AGBL3: variants seen among roughly 807,000 people sequenced by gnomAD.
The protein encoded by AGBL3 is AGBL carboxypeptidase 3, also known as cytosolic carboxypeptidase 3.
A neutral mutation model predicts 94.5 loss-of-function variants in AGBL3; 68 were observed. The observed-to-expected ratio is 0.72, with a 90% CI of 0.59 to 0.88. AGBL3 has a LOEUF of 0.88. AGBL3 is among the 40% of genes least tolerant of loss of function. AGBL3 has a pLI of 0.00. For synonymous variants in AGBL3, 354 were observed against 370.7 expected (o/e 0.95, Z 0.52); for missense variants, 934 against 1,103.8 (o/e 0.85, Z 2.18).
At chr7:135,026,208 T>A (rs1394514794) in intron 5 of AGBL3, among the ~76,000 whole-genome samples, 3 of 128,824 alleles carry the variant, frequency 2.3e-5, no homozygotes, top group African/African-American at 8.6e-5. Context: ...AAGCACATTC[T>A]CACATCACAG....
chr7:135,009,433 T>G (rs973965585), intron 4 of AGBL3, among the ~76,000 whole-genome samples: 1 of 152,240 alleles, frequency 6.6e-6, no homozygotes, highest in Admixed American at 6.5e-5. Context: ...GGCAACTATA[T>G]AGACAAAATA....
chr7:135,115,421 T>A lies in AGBL3; in HGVS notation c.2152T>A (p.Ser718Thr). The change falls in exon 16 of 17, where the codon TCT becomes ACT. Residue 718 changes from serine to threonine, a missense_variant. Physicochemically the swap from Ser to Thr is moderately conservative, Grantham distance 58 (BLOSUM62 1). Transcript: ENST00000436302. ...NLKSKIKECI[S>T]FQSKKTGINW... Reference sequence around the variant, plus strand: ...AAAAAGCAAAATAAAAGAATGCATATCTTTCCAAAGCAAGAAGACTGGCAT... The same window carrying A: ...AAAAAGCAAAATAAAAGAATGCATAACTTTCCAAAGCAAGAAGACTGGCAT... 1 of 1,551,252 alleles carries A rather than the reference T, an allele frequency of 6.4e-7. No homozygotes were observed. Among genetic ancestry groups the A allele is most frequent in the Non-Finnish European group, 8.7e-7 (1 of 1,146,738 alleles).
chr7:135,045,639 G>C (rs1405111979), intron 10 of AGBL3, 65 bp downstream of exon 10: 1 of 1,428,862 alleles, frequency 7.0e-7, no homozygotes, highest in East Asian at 2.5e-5. Flanking sequence ...GCTGACTATG[G>C]GCCTATGCAG....
intron 15 of AGBL3, among the ~76,000 whole-genome samples, chr7:135,104,962 G>A (rs1019394942): frequency 2.0e-5 from 3 of 151,352 alleles, no homozygotes; most frequent in Non-Finnish European, 4.4e-5. Context: ...CTTTTGTTGT[G>A]ATTGCTTTTG....
In AGBL3 at chr7:135,063,234, TTC is replaced by T. The variant is rs1349733946; in HGVS notation, c.1908+4011_1908+4012del. ...CATCTTTTCTGACTTTATCTGAGTC[TTC>T]TCTCTCTCTCTTCTTAGTCTAGCTA... is the stretch of plus-strand genomic sequence containing the variant. On this transcript the variant is annotated intron_variant, in intron 12 of 16. Coordinates refer to ENST00000436302, the MANE Select transcript of AGBL3 (RefSeq NM_178563.4). 4.6e-5 allele frequency among the ~76,000 whole-genome samples: 7 copies of T among 152,074 alleles called. No individual in the cohort carries two copies. The South Asian group carries it at 1.2e-3, about 27-fold the overall frequency.
intron 15 of AGBL3, among the ~76,000 whole-genome samples, chr7:135,110,934 CA>C (rs1194790453): frequency 6.6e-6 from 1 of 152,198 alleles, no homozygotes; most frequent in African/African-American, 2.4e-5. Context: ...AGAAAAATTA[CA>C]TTACCAAATG....
intron 16 of AGBL3, among the ~76,000 whole-genome samples, chr7:135,117,503 T>C (rs1303332967): frequency 6.6e-6 from 1 of 152,246 alleles, no homozygotes; most frequent in African/African-American, 2.4e-5. Flanking sequence ...CAAAGTGTGA[T>C]CTTCTCATTC....
intron 4 of AGBL3, among the ~76,000 whole-genome samples, chr7:135,000,988 C>A (rs1811646897): frequency 6.6e-6 from 1 of 152,134 alleles, no homozygotes; most frequent in Non-Finnish European, 1.5e-5. Context: ...TCGGCTTGGA[C>A]AATTCTATAG....
chr7:135,101,411 T>C (rs1823811259), intron 15 of AGBL3: 1 of 343,362 alleles, frequency 2.9e-6, no homozygotes, highest in Non-Finnish European at 5.8e-6. Flanking sequence ...ATAGCTATTT[T>C]AGTCCTGTCT....
chr7:135,058,823 C>T (rs946342765), intron 11 of AGBL3, among the ~76,000 whole-genome samples: 1 of 152,184 alleles, frequency 6.6e-6, no homozygotes, highest in African/African-American at 2.4e-5. Context: ...ATGGCACGAT[C>T]TCAGCTCACT....
intron 4 of AGBL3, among the ~76,000 whole-genome samples, chr7:134,999,808 G>A (rs545640368): frequency 2.6e-5 from 4 of 152,340 alleles, no homozygotes; most frequent in African/African-American, 9.6e-5. Flanking sequence ...ACAGCATATA[G>A]TTCAGCCTGA....
At chr7:135,031,137 T>G (rs1033427793) in intron 5 of AGBL3, among the ~76,000 whole-genome samples, 4 of 152,196 alleles carry the variant, frequency 2.6e-5, no homozygotes, top group African/African-American at 9.6e-5. Context: ...TCTTGGAGTC[T>G]GCTGAATTTT....
chr7:135,057,075 T>A (rs1454909392), intron 11 of AGBL3, among the ~76,000 whole-genome samples: 2 of 151,888 alleles, frequency 1.3e-5, no homozygotes, highest in Non-Finnish European at 2.9e-5. Flanking sequence ...CAGAAATATA[T>A]CCAATATATT....
At chr7:135,073,849 G>T (rs1011846284) in intron 12 of AGBL3, among the ~76,000 whole-genome samples, 1 of 152,114 alleles carries the variant, frequency 6.6e-6, no homozygotes, top group Non-Finnish European at 1.5e-5. Context: ...TTAACTACCA[G>T]GCCCAGGGTG....
chr7:135,009,810 T>C (rs1314112651), intron 4 of AGBL3, among the ~76,000 whole-genome samples: 5 of 152,174 alleles, frequency 3.3e-5, no homozygotes. Context: ...TTTAAAAGCT[T>C]TAGCTGTGCC....
intron 15 of AGBL3, among the ~76,000 whole-genome samples, chr7:135,097,268 T>C (rs1823046277): frequency 6.6e-6 from 1 of 152,196 alleles, no homozygotes; most frequent in South Asian, 2.1e-4. Context: ...GAGCTCATTT[T>C]GTCAGATCTT....
At chr7:135,103,284 T>A (rs1176225685) in intron 15 of AGBL3, among the ~76,000 whole-genome samples, 1 of 152,176 alleles carries the variant, frequency 6.6e-6, no homozygotes, top group Admixed American at 6.5e-5. Flanking sequence ...AATCAAATTA[T>A]TGAAGCTGAG....
At chr7:135,129,256 C>A (rs377030501) in intron 16 of AGBL3, 1 of 1,526,984 alleles carries the variant, frequency 6.5e-7, no homozygotes. Flanking sequence ...GGTATCTGCT[C>A]CAGCTGCAAT....
At chr7:135,105,716 TTTTG>T (rs149214966) in intron 15 of AGBL3, among the ~76,000 whole-genome samples, 1,994 of 152,304 alleles carry the variant, frequency 0.013, 40 homozygotes, top group African/African-American at 0.046. Context: ...CTATTTGGGC[TTTTG>T]TTTGTTTGTT....
Sources: gnomAD v4.1 joint callset for allele counts (sites outside exome capture counted in the v4.1 genomes callset) on GRCh38, gnomAD v4.1.1 for gene constraint, MANE v1.5 for transcripts, NCBI Gene and HGNC (gene_info 2026-07-23, HGNC 2026-07-21) for gene names.